The following PCDH15 variants were observed in gnomAD, a reference collection of about 807,000 sequenced individuals.
PCDH15 encodes protocadherin related 15, also known as protocadherin-15.
Under a neutral mutation model 178.5 loss-of-function variants are expected in PCDH15, and 129 were observed. The ratio of observed to expected loss-of-function variants is 0.72; its 90% CI spans 0.63 to 0.84. The LOEUF (loss-of-function observed/expected upper bound fraction) is 0.84. PCDH15 is among the 40% of genes least tolerant of loss of function. The pLI is 0.00. For missense variants in PCDH15, 2,230 were observed against 2,099.9 expected (o/e 1.06, Z -1.21); for synonymous variants, 800 against 732.0 (o/e 1.09, Z -1.50).
At chr10:54,182,530 T>C (rs967142705) in intron 13 of PCDH15, among the ~76,000 whole-genome samples, 7 of 151,926 alleles carry the variant, frequency 4.6e-5, no homozygotes, top group Admixed American at 1.3e-4. Flanking sequence ...TGTGTGTGTG[T>C]GTGTGTGTTT....
In PCDH15 at chr10:54,401,196, A is replaced by G. The variant is rs1003454822; in HGVS notation, c.158-22254T>C. Among the ~76,000 whole-genome samples, 51 of 151,966 alleles carry G rather than the reference A, an allele frequency of 3.4e-4. 1 individual carries two copies. The highest frequency in any genetic ancestry group is 3.2e-3 in the Admixed American group (49 of 15,230). On this transcript the variant is annotated intron_variant, in intron 3 of 37. Transcript: ENST00000644397. ...CTAAAACCTGGCTTTGTCTAAAAAC[A>G]ACTTTAGCTATAGATGGTCACTTTC...
At chr10:54,732,242 G>A (rs1383984695) in intron 1 of PCDH15, among the ~76,000 whole-genome samples, 1 of 150,994 alleles carries the variant, frequency 6.6e-6, no homozygotes, top group Non-Finnish European at 1.5e-5. Flanking sequence ...AAATGATCGG[G>A]GGCATATCAC....
intron 1 of PCDH15, among the ~76,000 whole-genome samples, chr10:54,789,024 A>T (rs1277490606): frequency 2.0e-5 from 3 of 151,872 alleles, no homozygotes; most frequent in African/African-American, 4.8e-5. Flanking sequence ...TACATGGAAT[A>T]TGGGGTCACA....
intron 1 of PCDH15, among the ~76,000 whole-genome samples, chr10:54,719,094 A>T (rs1183842792): frequency 6.6e-6 from 1 of 152,118 alleles, no homozygotes; most frequent in Non-Finnish European, 1.5e-5. Context: ...AATGAAATCC[A>T]AGACAAAGCT....
At chr10:55,567,427 C>T (rs1243409643) in intron 2 of PCDH15, among the ~76,000 whole-genome samples, 1 of 132,606 alleles carries the variant, frequency 7.5e-6, no homozygotes, top group Non-Finnish European at 1.6e-5. Flanking sequence ...ACGGGCTTCA[C>T]AAAAAGTAAA....
chr10:54,249,892 T>A (rs2056321267), intron 8 of PCDH15, among the ~76,000 whole-genome samples: 1 of 152,130 alleles, frequency 6.6e-6, no homozygotes, highest in South Asian at 2.1e-4. Context: ...AAAAACTATA[T>A]TTTCCCATTG....
intron 2 of PCDH15, among the ~76,000 whole-genome samples, chr10:55,072,078 T>C (rs961157742): frequency 1.3e-5 from 2 of 151,702 alleles, no homozygotes; most frequent in African/African-American, 4.8e-5. Context: ...TACCAGAATC[T>C]CTGGAACACA....
intron 2 of PCDH15, among the ~76,000 whole-genome samples, chr10:55,516,593 T>C (rs1282606726): frequency 2.6e-5 from 4 of 152,198 alleles, no homozygotes; most frequent in African/African-American, 9.6e-5. Flanking sequence ...TTTTTCCTGC[T>C]AGCTTCACAG....
At chr10:55,313,227 G>C (rs2132291044) in intron 1 of PCDH15, among the ~76,000 whole-genome samples, 1 of 151,980 alleles carries the variant, frequency 6.6e-6, no homozygotes, top group Admixed American at 6.6e-5. Flanking sequence ...AAACAAAACT[G>C]TTTAGAACCT....
At chr10:53,810,764 G>T in intron 36 of PCDH15, 100 bp from the exon 37 acceptor site, 1 of 1,099,938 alleles carries the variant, frequency 9.1e-7, no homozygotes, top group Non-Finnish European at 1.4e-6. Flanking sequence ...CCATTCAATC[G>T]ACAGATATTT....
intron 3 of PCDH15, among the ~76,000 whole-genome samples, chr10:54,460,503 A>G (rs1224216673): frequency 6.6e-6 from 1 of 152,086 alleles, no homozygotes; most frequent in East Asian, 1.9e-4. Flanking sequence ...GAAGGAGACA[A>G]ACAAGATGCT....
At chr10:54,953,001 CA>C (rs1404876950) in intron 2 of PCDH15, among the ~76,000 whole-genome samples, 1 of 151,444 alleles carries the variant, frequency 6.6e-6, no homozygotes, top group Non-Finnish European at 1.5e-5. Flanking sequence ...TTTCTTATTT[CA>C]TTAGTTAAGT....
chr10:55,302,134 A>C (rs1465877063), intron 1 of PCDH15, among the ~76,000 whole-genome samples: 2 of 152,158 alleles, frequency 1.3e-5, no homozygotes, highest in East Asian at 3.9e-4. Context: ...TCAAACCTGT[A>C]TCTCAAATTT....
At chr10:54,792,032 T>C in intron 1 of PCDH15, among the ~76,000 whole-genome samples, 1 of 151,860 alleles carries the variant, frequency 6.6e-6, no homozygotes, top group Non-Finnish European at 1.5e-5. Flanking sequence ...CAAGGTGAAC[T>C]GGCTAGAGAC....
chr10:55,516,803 TC>T (rs1841023366), intron 2 of PCDH15, among the ~76,000 whole-genome samples: 1 of 152,146 alleles, frequency 6.6e-6, no homozygotes, highest in African/African-American at 2.4e-5. Context: ...ATCAAATAGA[TC>T]ATTCAATTTA....
intron 5 of PCDH15, 143 bp from the exon 6 acceptor site, chr10:54,346,627 A>C (rs1943337826): frequency 1.1e-6 from 1 of 952,290 alleles, no homozygotes; most frequent in East Asian, 2.4e-5. Flanking sequence ...GTGTTTCAAA[A>C]GAACAGTTTT....
chr10:54,569,958 C>T (rs753327961), intron 2 of PCDH15, among the ~76,000 whole-genome samples: 1 of 151,998 alleles, frequency 6.6e-6, no homozygotes, highest in Non-Finnish European at 1.5e-5. Flanking sequence ...AAGTTAAAAG[C>T]TATAAATCAG....
intron 3 of PCDH15, among the ~76,000 whole-genome samples, chr10:54,880,847 A>G (rs536120928): frequency 6.6e-6 from 1 of 151,160 alleles, no homozygotes; most frequent in Admixed American, 6.7e-5. Flanking sequence ...GGGATAAAGC[A>G]TAGGATTTTT....
chr10:53,985,064 C>T (rs2091000914), intron 21 of PCDH15, among the ~76,000 whole-genome samples: 2 of 152,130 alleles, frequency 1.3e-5, no homozygotes, highest in African/African-American at 4.8e-5. Flanking sequence ...CAGACATGAG[C>T]CCAGACAAGG....
Sources: gnomAD v4.1 joint callset for allele counts (sites outside exome capture counted in the v4.1 genomes callset) on GRCh38, gnomAD v4.1.1 for gene constraint, MANE v1.5 for transcripts, NCBI Gene and HGNC (gene_info 2026-07-23, HGNC 2026-07-21) for gene names.